The following TTLL5 variants were observed in gnomAD, a reference collection of about 807,000 sequenced individuals.
TTLL5 encodes tubulin polyglutamylase TTLL5.
A neutral mutation model predicts 168.4 loss-of-function variants in TTLL5; 132 were observed. The ratio of observed to expected loss-of-function variants is 0.78; its 90% CI spans 0.68 to 0.91. The LOEUF is 0.91. TTLL5 is among the 40% of genes least tolerant of loss of function. The pLI is 0.00. For missense variants in TTLL5, 1,545 were observed against 1,581.5 expected (o/e 0.98, Z 0.39); for synonymous variants, 546 against 558.6 (o/e 0.98, Z 0.32).
chr14:75,898,240 A>C, intron 30 of TTLL5, among the ~76,000 whole-genome samples: 1 of 152,212 alleles, frequency 6.6e-6, no homozygotes, highest in East Asian at 1.9e-4. Flanking sequence ...TTGATTTTAC[A>C]CTTAGGATAA....
At chr14:75,897,317 CCT>C (rs2032713031) in intron 30 of TTLL5, among the ~76,000 whole-genome samples, 1 of 152,138 alleles carries the variant, frequency 6.6e-6, no homozygotes, top group Non-Finnish European at 1.5e-5. Flanking sequence ...AGAGATTTTG[CCT>C]TCATAGAGAG....
At chr14:75,748,806 G>A (rs1231813754) in intron 17 of TTLL5, among the ~76,000 whole-genome samples, 1 of 152,148 alleles carries the variant, frequency 6.6e-6, no homozygotes, top group Non-Finnish European at 1.5e-5. Context: ...TCTAATGGGA[G>A]TAAAATATCT....
intron 3 of TTLL5, among the ~76,000 whole-genome samples, chr14:75,676,832 A>G (rs976242751): frequency 2.7e-5 from 4 of 150,192 alleles, no homozygotes; most frequent in African/African-American, 9.8e-5. Flanking sequence ...GTGCAGTGGC[A>G]TGATTACAAC....
chr14:75,910,999 G>T (rs965725246), intron 31 of TTLL5, among the ~76,000 whole-genome samples: 2 of 152,012 alleles, frequency 1.3e-5, no homozygotes, highest in African/African-American at 4.8e-5. Context: ...TTGTTGTTGG[G>T]GGGTGGGTGG....
At chr14:75,880,073 A>G (rs73317424) in intron 29 of TTLL5, among the ~76,000 whole-genome samples, 18,718 of 152,138 alleles carry the variant, frequency 0.12, 1,505 homozygotes, top group East Asian at 0.4. Flanking sequence ...TAGCTAACCA[A>G]TTCTTCTCCC....
rs200646264 is a variant in TTLL5, at chr14:75,904,639, CAAG to C, written c.3823+2425_3823+2427del. Among the ~76,000 whole-genome samples, 982 of 152,174 alleles carry C rather than the reference CAAG, an allele frequency of 6.5e-3. 9 individuals are homozygous for C. Among genetic ancestry groups the C allele is most frequent in the African/African-American group, 0.021 (855 of 41,516 alleles). On this transcript the variant is annotated intron_variant, in intron 31 of 31. Coordinates refer to ENST00000298832, the MANE Select transcript of TTLL5 (RefSeq NM_015072.5). ...TTGGTGTCAGTATGAAACCACAGAGCAAGAAGAAGAAGTTGTATTTCTTCCTGG... is the reference window on the plus strand; with the variant it reads ...TTGGTGTCAGTATGAAACCACAGAGCAAGAAGAAGTTGTATTTCTTCCTGG...
chr14:75,790,302 G>A (rs1036634566), intron 26 of TTLL5, among the ~76,000 whole-genome samples: 3 of 152,092 alleles, frequency 2.0e-5, no homozygotes, highest in South Asian at 2.1e-4. Context: ...AATCGTGTAA[G>A]TCAATAAGAA....
At chr14:75,693,163 C>T (rs943938893) in intron 6 of TTLL5, among the ~76,000 whole-genome samples, 1 of 152,150 alleles carries the variant, frequency 6.6e-6, no homozygotes, top group African/African-American at 2.4e-5. Flanking sequence ...ACCCAGATAA[C>T]ATTTTAGATG....
chr14:75,887,479 A>G (rs1205732626), intron 30 of TTLL5, among the ~76,000 whole-genome samples: 2 of 152,234 alleles, frequency 1.3e-5, no homozygotes, highest in African/African-American at 4.8e-5. Context: ...AGTTGAATCT[A>G]TAACATATTC....
At chr14:75,738,050 G>A (rs1023162680) in intron 15 of TTLL5, among the ~76,000 whole-genome samples, 15 of 152,052 alleles carry the variant, frequency 9.9e-5, no homozygotes, top group Non-Finnish European at 2.1e-4. Flanking sequence ...CTTAACAGGT[G>A]ACATTTCAAA....
At chr14:75,886,695 T>G (rs1194782829) in intron 30 of TTLL5, 1 of 1,597,944 alleles carries the variant, frequency 6.3e-7, no homozygotes, top group South Asian at 1.1e-5. Flanking sequence ...CACTTCATAA[T>G]TTAGTACCCG....
rs139057986 is a variant in TTLL5, at chr14:75,725,144, T to C, written c.1042+4441T>C. On this transcript the variant is annotated intron_variant, in intron 12 of 31. Coordinates refer to ENST00000298832, the MANE Select transcript of TTLL5 (RefSeq NM_015072.5). The stretch of plus-strand genomic sequence containing the variant: ...GCCCAGTACACCTCTGTGTTGACGA[T>C]ACCTGGTTTGGTTTTCTGTTGCTGC... Among the ~76,000 whole-genome samples the C allele has an allele frequency of 1.6e-3, 251 of 152,350 alleles. 5 individuals carry two copies. Among genetic ancestry groups the C allele is most frequent in the African/African-American group, 5.6e-3 (233 of 41,588 alleles).
intron 31 of TTLL5, among the ~76,000 whole-genome samples, chr14:75,918,690 A>T (rs1315713664): frequency 6.6e-6 from 1 of 152,206 alleles, no homozygotes; most frequent in African/African-American, 2.4e-5. Context: ...TAAAATTATG[A>T]TATATCACAT....
intron 29 of TTLL5, among the ~76,000 whole-genome samples, chr14:75,864,336 A>C (rs1419078517): frequency 6.6e-6 from 1 of 152,178 alleles, no homozygotes; most frequent in East Asian, 1.9e-4. Context: ...TCTGGTGGGA[A>C]ATGGACATAT....
At chr14:75,834,925 G>A (rs1297381048) in intron 28 of TTLL5, among the ~76,000 whole-genome samples, 1 of 151,942 alleles carries the variant, frequency 6.6e-6, no homozygotes, top group African/African-American at 2.4e-5. Flanking sequence ...AATATTAGCC[G>A]GGCATGGTAG....
In TTLL5 at chr14:75,863,686, T is replaced by C; in HGVS notation, c.3346T>C (p.Phe1116Leu). 1 of 1,610,482 alleles carries C rather than the reference T, an allele frequency of 6.2e-7. No homozygotes were observed. Among genetic ancestry groups the C allele is most frequent in the Non-Finnish European group, 8.5e-7 (1 of 1,178,426 alleles). ...CTTCAGGAGCCTGCAGACAGGGGGA[T>C]TTGCCTGGGAAGGAGAAGTAGAAAA... Reference protein sequence around the residue: ...PGSRSLQTGGFAWEGEVENNV... With the variant: ...PGSRSLQTGGLAWEGEVENNV... Residue 1116 changes from phenylalanine to leucine, a missense_variant, in exon 29 of 32, where the codon TTT becomes CTT. Coordinates refer to ENST00000298832, the MANE Select transcript of TTLL5 (RefSeq NM_015072.5).
intron 26 of TTLL5, among the ~76,000 whole-genome samples, chr14:75,783,749 A>T (rs1892199427): frequency 6.6e-6 from 1 of 152,202 alleles, no homozygotes; most frequent in South Asian, 2.1e-4. Flanking sequence ...GGTACTGGAG[A>T]TAAAGAGATG....
chr14:75,766,790 C>G (rs1890988914), intron 20 of TTLL5, among the ~76,000 whole-genome samples: 1 of 152,148 alleles, frequency 6.6e-6, no homozygotes, highest in Non-Finnish European at 1.5e-5. Context: ...AAATTTGAAT[C>G]AGGCCTTGAC....
intron 3 of TTLL5, among the ~76,000 whole-genome samples, chr14:75,673,917 A>G (rs957662624): frequency 1.8e-4 from 27 of 152,250 alleles, no homozygotes; most frequent in African/African-American, 6.5e-4. Flanking sequence ...TTGCTGAGAA[A>G]CTCCCTCTAA....
Sources: gnomAD v4.1 joint callset for allele counts (sites outside exome capture counted in the v4.1 genomes callset) on GRCh38, gnomAD v4.1.1 for gene constraint, MANE v1.5 for transcripts, NCBI Gene and HGNC (gene_info 2026-07-23, HGNC 2026-07-21) for gene names.